Variants in PRR27 observed in about 807,000 individuals in gnomAD.
PRR27 encodes proline rich 27, also known as proline-rich protein 27.
In PRR27, 12 loss-of-function variants were observed where a neutral mutation model predicts 16.8. The ratio of observed to expected loss-of-function variants is 0.71; its 90% CI spans 0.46 to 1.16. PRR27 has a LOEUF of 1.16. Among genes scored for constraint, PRR27 ranks in the 50% most tolerant of loss-of-function variants. The pLI, the probability that PRR27 is intolerant of heterozygous loss-of-function variation, is 0.00. For missense variants in PRR27, 277 were observed against 273.3 expected (o/e 1.01, Z -0.10); for synonymous variants, 100 against 98.4 (o/e 1.02, Z -0.10).
chr4:70,165,206 T>G lies in PRR27; in HGVS notation c.*2545T>G, dbSNP rs527701872. The stretch of plus-strand genomic sequence containing the variant: ...CAGAAAAGTCATCCAAACCAGAAGA[T>G]TGGGAACTTCCTCAATTACTTTGTC... On this transcript the variant is annotated 3_prime_UTR_variant, in exon 5 of 5. Transcript: ENST00000344526. 1.3e-5 allele frequency: 2 copies of G among 152,164 alleles called. No homozygotes were observed. The highest frequency in any genetic ancestry group is 4.8e-5 in the African/African-American group (2 of 41,544). The allele number at this position is 152,164 out of a possible 1,614,324, so 9.4% of individuals were successfully genotyped here. A position where few individuals can be genotyped will look rare whatever the true frequency, so the allele number is the denominator to read the frequency against.
At chr4:70,158,964 A>G in intron 3 of PRR27, 64 bp downstream of exon 3, 16 of 1,442,546 alleles carry the variant, frequency 1.1e-5, no homozygotes, top group Non-Finnish European at 1.4e-5. Context: ...GGGGAAAAAA[A>G]AAAACCACTC....
chr4:70,161,835 A>G, intron 4 of PRR27, among the ~76,000 whole-genome samples: 1 of 152,192 alleles, frequency 6.6e-6, no homozygotes, highest in Non-Finnish European at 1.5e-5. Flanking sequence ...ACTTTTGAAC[A>G]AATAGCGAGT....
intron 1 of PRR27, 124 bp from the exon 2 acceptor site, chr4:70,155,930 C>T: frequency 1.6e-6 from 1 of 618,626 alleles, no homozygotes; most frequent in South Asian, 2.0e-5. Flanking sequence ...ATTAGTTACT[C>T]AAATTTCAAA....
At position 70,164,918 on chromosome 4, in the gene PRR27, CAT is replaced by C. The variant is rs1230424271; in HGVS notation, c.*2258_*2259del. 6.6e-6 allele frequency: 1 copy of C among 151,998 alleles called. No individual in the cohort carries two copies. The highest frequency in any genetic ancestry group is 1.5e-5 in the Non-Finnish European group (1 of 67,940). The allele number at this position is 151,998 out of a possible 1,614,324, so 9.4% of individuals were successfully genotyped here. On this transcript the variant is annotated 3_prime_UTR_variant, in exon 5 of 5. Transcript: ENST00000344526. Reference sequence around the variant, plus strand: ...AAAATTTTGGAATTTTAAAAATAAACATGACATCTTATCATGAGAAACATTTA... The same window carrying C: ...AAAATTTTGGAATTTTAAAAATAAACGACATCTTATCATGAGAAACATTTA...
chr4:70,158,016 G>C (rs1453251258), intron 2 of PRR27, among the ~76,000 whole-genome samples: 1 of 152,150 alleles, frequency 6.6e-6, no homozygotes, highest in Non-Finnish European at 1.5e-5. Flanking sequence ...TCATAATCCT[G>C]TATCAATCCT....
chr4:70,158,455 C>T lies in PRR27; in HGVS notation c.203C>T (p.Thr68Ile), dbSNP rs376628196. 6 of 1,613,918 alleles carry T rather than the reference C, an allele frequency of 3.7e-6. No homozygotes were observed. In the African/African-American group the frequency reaches 6.7e-5, roughly 18 times the overall value. ...TVPSYPGNTY[T>I]DTGLPSYPWI... is the part of the protein sequence containing the mutation. ...CCCAGTTACCCTGGGAATACTTACACTGACACAGGGTTACCTTCGTATCCC... is the reference window on the plus strand; with the variant it reads ...CCCAGTTACCCTGGGAATACTTACATTGACACAGGGTTACCTTCGTATCCC... Residue 68 changes from threonine (T) to isoleucine (I), a missense_variant, in exon 3 of 5, where the codon ACT becomes ATT. Transcript: ENST00000344526.
intron 2 of PRR27, among the ~76,000 whole-genome samples, 197 bp downstream of exon 2, chr4:70,156,274 G>C (rs1728473849): frequency 6.6e-6 from 1 of 152,140 alleles, no homozygotes; most frequent in African/African-American, 2.4e-5. Context: ...TTTAGCAAAA[G>C]GTCTTTAGTC....
rs1728742965 is a variant in PRR27 at position 70,165,486 on chromosome 4, C to G, written c.*2825C>G. On this transcript the variant is annotated 3_prime_UTR_variant, in exon 5 of 5. Coordinates refer to ENST00000344526, the MANE Select transcript of PRR27 (RefSeq NM_214711.4). ...TCTTCCTTATCTGTAGAGTTAAAAA[C>G]TACTTAGTGGATTAGGGTAATTCAT... 1 of 152,038 alleles carries G rather than the reference C, an allele frequency of 6.6e-6. No homozygotes were observed. Among genetic ancestry groups the G allele is most frequent in the Admixed American group, 6.6e-5 (1 of 15,252 alleles). The allele number at this position is 152,038 out of a possible 1,614,324, so 9.4% of individuals were successfully genotyped here.
intron 1 of PRR27, chr4:70,154,876 T>C (rs1728441267): frequency 4.2e-6 from 3 of 710,068 alleles, no homozygotes; most frequent in South Asian, 1.5e-5. Context: ...CGTAATATAG[T>C]GTAATGCAAT....
At chr4:70,159,364 C>T (rs527755313) in intron 3 of PRR27, among the ~76,000 whole-genome samples, 27 of 152,228 alleles carry the variant, frequency 1.8e-4, no homozygotes, top group East Asian at 3.9e-4. Flanking sequence ...TATACAGATA[C>T]GCCGTAATTC....
chr4:70,156,484 C>CCA (rs1325000446), intron 2 of PRR27, among the ~76,000 whole-genome samples: 6 of 152,138 alleles, frequency 3.9e-5, no homozygotes, highest in Non-Finnish European at 8.8e-5. Flanking sequence ...AGTGGGCCAG[C>CCA]CATATATTCA....
rs1462853766 is a variant in PRR27 at position 70,166,103 on chromosome 4, C to T, written c.*3442C>T. 2 of 151,998 alleles carry T rather than the reference C, an allele frequency of 1.3e-5. No individual in the cohort carries two copies. The highest frequency in any genetic ancestry group is 2.9e-5 in the Non-Finnish European group (2 of 67,936). The allele number at this position is 151,998 out of a possible 1,614,324, so 9.4% of individuals were successfully genotyped here. ...AAATGGTATGTCATTTCACAATTTA[C>T]TATTTTTACTCAACATTTATATTTC... On this transcript the variant is annotated 3_prime_UTR_variant, in exon 5 of 5. Transcript: ENST00000344526.
intron 1 of PRR27, among the ~76,000 whole-genome samples, chr4:70,155,757 G>C (rs1728462406): frequency 6.6e-6 from 1 of 151,988 alleles, no homozygotes. Flanking sequence ...AGCAAAATCA[G>C]ATATATGAAT....
rs1347207756 is a variant in PRR27, at chr4:70,165,445, C to T, written c.*2784C>T. ...TCACTGCATGTATTGTTTAATGTCG[C>T]TTTATGAATCCACCTTCTTCCTTAT... On this transcript the variant is annotated 3_prime_UTR_variant, in exon 5 of 5. Transcript: ENST00000344526. 6.6e-6 allele frequency: 1 copy of T among 151,982 alleles called. No homozygotes were observed. The highest frequency in any genetic ancestry group is 1.9e-4 in the East Asian group (1 of 5,190). 9.4% of individuals were successfully genotyped at this position (151,982 alleles called of 1,614,324 possible).
In PRR27 at chr4:70,163,895, T is replaced by G. The variant is rs1230543564; in HGVS notation, c.*1234T>G. Reference sequence around the variant, plus strand: ...TCCTCATGCAGCAGCTTTTTTTTTTTTTTCCTTTTTCAAATATGTTGGTTT... The same window carrying G: ...TCCTCATGCAGCAGCTTTTTTTTTTGTTTCCTTTTTCAAATATGTTGGTTT... On this transcript the variant is annotated 3_prime_UTR_variant, in exon 5 of 5. Coordinates refer to ENST00000344526, the MANE Select transcript of PRR27 (RefSeq NM_214711.4). 6.6e-6 allele frequency: 1 copy of G among 151,932 alleles called. No individual in the cohort carries two copies. The highest frequency in any genetic ancestry group is 2.4e-5 in the African/African-American group (1 of 41,356). The allele number at this position is 151,932 out of a possible 1,614,324, so 9.4% of individuals were successfully genotyped here.
At chr4:70,161,466 G>A (rs1248940360) in intron 3 of PRR27, 120 bp from the exon 4 acceptor site, 2 of 573,684 alleles carry the variant, frequency 3.5e-6, no homozygotes, top group African/African-American at 1.9e-5. Context: ...ATGTTAAGAA[G>A]AGATCAGCAA....
At position 70,165,595 on chromosome 4, in the gene PRR27, T is replaced by C. The variant is rs1389638146; in HGVS notation, c.*2934T>C. The C allele has an allele frequency of 1.3e-5, 2 of 152,120 alleles. No individual in the cohort carries two copies. Among genetic ancestry groups the C allele is most frequent in the Admixed American group, 6.6e-5 (1 of 15,266 alleles). The allele number at this position is 152,120 out of a possible 1,614,324, so 9.4% of individuals were successfully genotyped here. ...CTTTTGCCTATTTTTGAGCTTTTTA[T>C]AGAAAAATGCTACTGCGAAATTATT... On this transcript the variant is annotated 3_prime_UTR_variant, in exon 5 of 5. Transcript: ENST00000344526.
rs1216782085 is a variant in PRR27, at chr4:70,158,574, G to A, written c.322G>A (p.Gly108Ser). 1 of 1,614,080 alleles carries A rather than the reference G, an allele frequency of 6.2e-7. No homozygotes were observed. The highest frequency in any genetic ancestry group is 1.1e-5 in the South Asian group (1 of 91,088). ...GAATGTTCCTCCTCTCCCTCCTAGG[G>A]GTTTCCCGTTTGTCCCTCCTTCAAG... ...QLNVPPLPPR[G>S]FPFVPPSRFF... The change falls in exon 3 of 5, where the codon GGT becomes AGT. Residue 108 changes from glycine to serine, a missense_variant. Gly to Ser is a moderately conservative substitution (Grantham distance 56). Coordinates refer to ENST00000344526, the MANE Select transcript of PRR27 (RefSeq NM_214711.4).
rs778813750 is a variant in PRR27 at position 70,154,323 on chromosome 4, G to A, written c.-53G>A. ...AAAATATAATTTAAAAATACATTGC[G>A]TATTTTCTAAAACAATAAATTTATA... On this transcript the variant is annotated 5_prime_UTR_variant, in exon 1 of 5. Coordinates refer to ENST00000344526, the MANE Select transcript of PRR27 (RefSeq NM_214711.4). The A allele has an allele frequency of 1.5e-4, 198 of 1,350,958 alleles. 1 individual carries two copies. The highest frequency in any genetic ancestry group is 4.0e-4 in the Middle Eastern group (2 of 4,958). 83.7% of individuals were successfully genotyped at this position (1,350,958 alleles called of 1,614,324 possible). A position where few individuals can be genotyped will look rare whatever the true frequency, so the allele number is the denominator to read the frequency against.
Sources: gnomAD v4.1 joint callset for allele counts (sites outside exome capture counted in the v4.1 genomes callset) on GRCh38, gnomAD v4.1.1 for gene constraint, MANE v1.5 for transcripts, NCBI Gene and HGNC (gene_info 2026-07-23, HGNC 2026-07-21) for gene names.